Variants in ATL2 observed in about 807,000 individuals in gnomAD.
ATL2 encodes the protein atlastin-2.
Under a neutral mutation model 73.9 loss-of-function variants are expected in ATL2, and 31 were observed. The ratio of observed to expected loss-of-function variants is 0.42; its 90% CI spans 0.32 to 0.57. The LOEUF (loss-of-function observed/expected upper bound fraction) is 0.57. Ranked by LOEUF, ATL2 falls within the 20% of genes least tolerant of loss-of-function variation. The pLI, the probability that ATL2 is intolerant of heterozygous loss-of-function variation, is 0.14. For synonymous variants in ATL2, 291 were observed against 237.5 expected, an observed-to-expected ratio of 1.23 and a Z score of -2.07; for missense variants, 738 against 702.6, an observed-to-expected ratio of 1.05 and a Z score of -0.57.
intron 2 of ATL2, among the ~76,000 whole-genome samples, chr2:38,328,249 C>A (rs149703541): frequency 7.6e-4 from 116 of 152,300 alleles, no homozygotes; most frequent in Non-Finnish European, 2.5e-4. Context: ...AGACCTCACA[C>A]CTCTTTATAG....
chr2:38,339,836 G>A (rs548550077), intron 2 of ATL2, among the ~76,000 whole-genome samples: 1 of 152,038 alleles, frequency 6.6e-6, no homozygotes, highest in Non-Finnish European at 1.5e-5. Flanking sequence ...GATTACAGGT[G>A]CATGCCACCG....
At position 38,309,413 on chromosome 2, in the gene ATL2, T is replaced by A; in HGVS notation, c.1037A>T (p.Lys346Ile). Residue 346 changes from lysine (K) to isoleucine (I), a missense_variant, in exon 9 of 13, where the codon AAA (lysine) becomes ATA (isoleucine). By Grantham distance (102) the Lys-to-Ile change is moderately radical. Coordinates refer to ENST00000378954, the MANE Select transcript of ATL2 (RefSeq NM_001135673.4). ...TTCTACAAGATCTCTACAAGTGACT[T>A]TAGATCCACTTATCTCTTTTTCTAC... ...NLVEKEISGS[K>I]VTCRDLVEYF... 6.2e-7 allele frequency: 1 copy of A among 1,611,824 alleles called. No homozygotes were observed. Among genetic ancestry groups the A allele is most frequent in the African/African-American group, 1.3e-5 (1 of 75,000 alleles).
chr2:38,357,304 G>T (rs890269816), intron 1 of ATL2, among the ~76,000 whole-genome samples: 1 of 150,346 alleles, frequency 6.7e-6, no homozygotes, highest in African/African-American at 2.5e-5. Context: ...CTCCAGCCTG[G>T]CAACAGAGGA....
At chr2:38,339,098 C>G (rs183576854) in intron 2 of ATL2, among the ~76,000 whole-genome samples, 1 of 152,092 alleles carries the variant, frequency 6.6e-6, no homozygotes, top group Admixed American at 6.5e-5. Context: ...CACCTGTAAT[C>G]CCAGCTACTC....
At chr2:38,360,177 A>G (rs1670927064) in intron 1 of ATL2, among the ~76,000 whole-genome samples, 1 of 150,348 alleles carries the variant, frequency 6.7e-6, no homozygotes, top group Admixed American at 6.7e-5. Flanking sequence ...TAAATTTGGT[A>G]TTTTAAATGA....
At chr2:38,374,331 T>C (rs1273967898) in intron 1 of ATL2, among the ~76,000 whole-genome samples, 1 of 151,564 alleles carries the variant, frequency 6.6e-6, no homozygotes, top group Admixed American at 6.5e-5. Context: ...TATGTTCACA[T>C]CTACATTCCT....
intron 2 of ATL2, among the ~76,000 whole-genome samples, chr2:38,339,768 G>A (rs910124338): frequency 6.6e-6 from 1 of 152,056 alleles, no homozygotes; most frequent in Non-Finnish European, 1.5e-5. Flanking sequence ...TCGGCTCACT[G>A]CAACCTCCAC....
chr2:38,296,544 C>A, intron 12 of ATL2: 1 of 1,613,978 alleles, frequency 6.2e-7, no homozygotes, highest in African/African-American at 1.3e-5. Flanking sequence ...TGAAAGAGCA[C>A]GGTGAACCAT....
chr2:38,310,414 C>G lies in ATL2; in HGVS notation c.838G>C (p.Val280Leu). The change falls in exon 8 of 13, where the codon GTA becomes CTA. Residue 280 changes from valine to leucine, a missense_variant. Val to Leu is a conservative substitution (Grantham distance 32). Coordinates refer to ENST00000378954, the MANE Select transcript of ATL2 (RefSeq NM_001135673.4). ...AAACAATTGTGTATGTGCTTCCTTA[C>G]ATTCTGAAGCTCTTCATGTTGATTT... ...KQNQHEELQNVRKHIHNCFSN... is the reference protein window; with the variant it reads ...KQNQHEELQNLRKHIHNCFSN... 1 of 1,607,226 alleles carries G rather than the reference C, an allele frequency of 6.2e-7. No individual in the cohort carries two copies. The highest frequency in any genetic ancestry group is 8.5e-7 in the Non-Finnish European group (1 of 1,177,252).
chr2:38,362,505 AC>A (rs747357721), intron 1 of ATL2, among the ~76,000 whole-genome samples: 6 of 152,128 alleles, frequency 3.9e-5, no homozygotes, highest in Non-Finnish European at 7.4e-5. Flanking sequence ...AGATTCTTAG[AC>A]CCCACCTCCA....
At chr2:38,302,169 G>A (rs1191281538) in intron 9 of ATL2, among the ~76,000 whole-genome samples, 1 of 152,184 alleles carries the variant, frequency 6.6e-6, no homozygotes, top group Non-Finnish European at 1.5e-5. Flanking sequence ...TCTGGGCTCT[G>A]AATAAGCAGT....
chr2:38,364,449 C>T (rs1328021840), intron 1 of ATL2, among the ~76,000 whole-genome samples: 1 of 151,818 alleles, frequency 6.6e-6, no homozygotes, highest in African/African-American at 2.4e-5. Context: ...TTCAAGAGCC[C>T]GAATATAAAG....
chr2:38,376,887 C>G (rs1281792268), intron 1 of ATL2, among the ~76,000 whole-genome samples: 1 of 150,422 alleles, frequency 6.6e-6, no homozygotes, highest in African/African-American at 2.4e-5. Context: ...GGGGCCGGGC[C>G]GGTCGCAGAC....
chr2:38,339,092 T>A (rs1669543811), intron 2 of ATL2, among the ~76,000 whole-genome samples: 1 of 152,142 alleles, frequency 6.6e-6, no homozygotes, highest in African/African-American at 2.4e-5. Flanking sequence ...GGCAGGCACC[T>A]GTAATCCCAG....
chr2:38,368,236 TAA>T (rs1313673719), intron 1 of ATL2, among the ~76,000 whole-genome samples: 1 of 148,682 alleles, frequency 6.7e-6, no homozygotes, highest in Non-Finnish European at 1.5e-5. Flanking sequence ...ACCTGGACTC[TAA>T]AATAAGGACT....
intron 4 of ATL2, among the ~76,000 whole-genome samples, chr2:38,316,183 C>T (rs1668016570): frequency 6.6e-6 from 1 of 152,184 alleles, no homozygotes; most frequent in Non-Finnish European, 1.5e-5. Flanking sequence ...CTGGCTAAAC[C>T]ACTTGGAGGT....
intron 2 of ATL2, among the ~76,000 whole-genome samples, chr2:38,322,789 G>A (rs906143036): frequency 6.6e-6 from 1 of 152,180 alleles, no homozygotes; most frequent in Non-Finnish European, 1.5e-5. Flanking sequence ...CAAGGCAGGA[G>A]GATCACTTGA....
intron 2 of ATL2, among the ~76,000 whole-genome samples, chr2:38,319,777 T>G (rs996515911): frequency 1.3e-5 from 2 of 152,160 alleles, no homozygotes; most frequent in African/African-American, 2.4e-5. Flanking sequence ...TAGCTTACAG[T>G]AAGTTTTCAT....
chr2:38,299,859 G>A (rs13015082), intron 10 of ATL2, among the ~76,000 whole-genome samples: 61,250 of 151,970 alleles, frequency 0.4, 12,767 homozygotes, highest in African/African-American at 0.5. Context: ...AGAAAAAGAA[G>A]TGAGACTATA....
Sources: gnomAD v4.1 joint callset for allele counts (sites outside exome capture counted in the v4.1 genomes callset) on GRCh38, gnomAD v4.1.1 for gene constraint, MANE v1.5 for transcripts, NCBI Gene and HGNC (gene_info 2026-07-23, HGNC 2026-07-21) for gene names.